The following ITIH3 variants were observed in gnomAD, a reference collection of about 807,000 sequenced individuals.
ITIH3 encodes the protein inter-alpha-trypsin inhibitor heavy chain 3, also known as inter-alpha-trypsin inhibitor heavy chain H3.
A neutral mutation model predicts 96.5 loss-of-function variants in ITIH3; 81 were observed. That is an observed-to-expected ratio of 0.84 (90% CI 0.70 to 1.01). ITIH3 has a LOEUF of 1.01. Among genes scored for constraint, ITIH3 ranks in the 50% least tolerant of loss-of-function variants. The pLI is 0.00. For missense variants in ITIH3, 1,057 were observed against 1,139.3 expected (o/e 0.93, Z 1.04); for synonymous variants, 422 against 445.2 (o/e 0.95, Z 0.66).
At chr3:52,800,877 TGTGCAGGAGTCCG>T in intron 10 of ITIH3, 75 bp from the exon 11 acceptor site, 7 of 1,540,266 alleles carry the variant, frequency 4.5e-6, no homozygotes, top group Non-Finnish European at 6.2e-6. Flanking sequence ...CAACTCTGCA[TGTGCAGGAGTCCG>T]GTCTCCCCAG....
intron 6 of ITIH3, among the ~76,000 whole-genome samples, chr3:52,798,318 C>A (rs751188938): frequency 6.6e-6 from 1 of 152,218 alleles, no homozygotes; most frequent in Admixed American, 6.5e-5. Flanking sequence ...AGGTGGTTGA[C>A]TCCAGTCCCC....
chr3:52,797,246 G>C lies in ITIH3; in HGVS notation c.528G>C (p.Lys176Asn). The change falls in exon 5 of 22, where the codon AAG (lysine) becomes AAC (asparagine). Residue 176 changes from lysine to asparagine, a missense_variant. Lys to Asn is a moderately conservative substitution (Grantham distance 94). Transcript: ENST00000449956. ...KYEMYLKVQP[K>N]QLVKHFEIEV... ...AGATGTACCTCAAGGTCCAGCCTAA[G>C]CAACTGGTCAAACACTTTGAGGTAA... The C allele has an allele frequency of 6.2e-7, 1 of 1,606,386 alleles. No individual in the cohort carries two copies. Among genetic ancestry groups the C allele is most frequent in the Non-Finnish European group, 8.5e-7 (1 of 1,176,906 alleles).
Position 52,807,107 on chromosome 3 carries a change from T to TA in ITIH3, c.2261+4dup, listed in dbSNP as rs1403299441. The TA allele has an allele frequency of 4.4e-6, 7 of 1,582,508 alleles. No homozygotes were observed. In the Admixed American group the frequency reaches 7.2e-5, roughly 16 times the overall value. ...CACAGTCACAGTCACGCAGGATGGG[T>TA]AAGCTCCCCTACAAGGTCTCCAAGG... On this transcript the variant is annotated splice_region_variant and intron_variant, in intron 19 of 21. Coordinates refer to ENST00000449956, the MANE Select transcript of ITIH3 (RefSeq NM_002217.4).
Position 52,799,350 on chromosome 3 carries a change from C to T in ITIH3, c.790-22C>T, listed in dbSNP as rs766176088. 2.3e-5 allele frequency: 35 copies of T among 1,541,730 alleles called. 1 individual carries two copies. The South Asian group carries it at 3.6e-4, about 16-fold the overall frequency. Reference sequence around the variant, plus strand: ...GTGTTGCTAAAAGGACACCGGCCTCCGTCCCTCTCCCCACTTTCCAGATAG... The same window carrying T: ...GTGTTGCTAAAAGGACACCGGCCTCTGTCCCTCTCCCCACTTTCCAGATAG... On this transcript the variant is annotated intron_variant, in intron 7 of 21. Transcript: ENST00000449956.
In ITIH3 at chr3:52,806,364, G is replaced by A; in HGVS notation, c.2014G>A (p.Ala672Thr). 6.2e-7 allele frequency: 1 copy of A among 1,613,980 alleles called. No individual in the cohort carries two copies. Residue 672 changes from alanine to threonine, a missense_variant, in exon 18 of 22, where the codon GCC becomes ACC. By Grantham distance (58) the Ala-to-Thr change is moderately conservative (BLOSUM62 0). Coordinates refer to ENST00000449956, the MANE Select transcript of ITIH3 (RefSeq NM_002217.4). ...TGCCCTCTGCTTCAACATCGATGAA[G>A]CCCCAGGCACAGTGCTGCGCCTTAT... ...DDALCFNIDE[A>T]PGTVLRLIQD...
intron 14 of ITIH3, chr3:52,804,353 C>A: frequency 2.3e-6 from 1 of 436,172 alleles, no homozygotes. Context: ...CTGGAGCAGG[C>A]TATCAGGCAC....
chr3:52,807,145 TGA>T, intron 19 of ITIH3, 40 bp downstream of exon 19: 1 of 1,522,682 alleles, frequency 6.6e-7, no homozygotes, highest in Non-Finnish European at 8.9e-7. Context: ...GACTACAGGG[TGA>T]GAGTCTAAGG....
rs1312955768 is a variant in ITIH3 at position 52,796,735 on chromosome 3, G to T, written c.282-4G>T. The T allele has an allele frequency of 1.2e-6, 2 of 1,610,366 alleles. No homozygotes were observed. The highest frequency in any genetic ancestry group is 1.1e-5 in the South Asian group (1 of 90,176). Reference sequence around the variant, plus strand: ...TCCCTACCCCCAACTCTCTTTCCCTGCAGGACCATCGACGGTGTTACCTAC... The same window carrying T: ...TCCCTACCCCCAACTCTCTTTCCCTTCAGGACCATCGACGGTGTTACCTAC... On this transcript the variant is annotated splice_polypyrimidine_tract_variant and splice_region_variant and intron_variant, in intron 3 of 21. Transcript: ENST00000449956.
intron 8 of ITIH3, 47 bp from the exon 9 acceptor site, chr3:52,799,706 C>CCT: frequency 1.3e-6 from 2 of 1,550,854 alleles, no homozygotes; most frequent in Non-Finnish European, 1.7e-6. Context: ...TGAGAAGGGA[C>CCT]CTCACTCTCT....
At position 52,803,993 on chromosome 3, in the gene ITIH3, C is replaced by T. The variant is rs751510451; in HGVS notation, c.1848C>T (p.Ala616=). ...ACAACGAGGATGAGAGGGCCATTGC[C>T]GACAAGCCTGGGGAAGGTGGGGATA... ...PEDNEDERAI[A]DKPGEDAEAT... is the part of the protein sequence containing the mutation. The change falls in exon 14 of 22, where the codon GCC becomes GCT. Residue 616 remains alanine (A), a synonymous_variant. Coordinates refer to ENST00000449956, the MANE Select transcript of ITIH3 (RefSeq NM_002217.4). 3.7e-6 allele frequency: 6 copies of T among 1,613,022 alleles called. No homozygotes were observed. Among genetic ancestry groups the T allele is most frequent in the Middle Eastern group, 1.6e-4 (1 of 6,082 alleles).
At chr3:52,805,647 GC>G (rs1700009935) in intron 15 of ITIH3, 160 bp from the exon 16 acceptor site, 1 of 1,452,222 alleles carries the variant, frequency 6.9e-7, no homozygotes, top group Non-Finnish European at 9.1e-7. Flanking sequence ...CCCTGGACGT[GC>G]CCGATTTCCA....
chr3:52,808,757 T>C lies in ITIH3; in HGVS notation c.*76T>C. The C allele has an allele frequency of 1.3e-6, 2 of 1,547,576 alleles. No homozygotes were observed. The highest frequency in any genetic ancestry group is 2.7e-5 in the African/African-American group (2 of 73,816). ...TGGAACATGGGCACAGAGAGGGGCCTGTGGGAGGGGCTGGGAAAATAAAGT... is the reference window on the plus strand; with the variant it reads ...TGGAACATGGGCACAGAGAGGGGCCCGTGGGAGGGGCTGGGAAAATAAAGT... On this transcript the variant is annotated 3_prime_UTR_variant, in exon 22 of 22. Coordinates refer to ENST00000449956, the MANE Select transcript of ITIH3 (RefSeq NM_002217.4).
chr3:52,795,012 G>A, intron 1 of ITIH3, 116 bp downstream of exon 1: 1 of 834,424 alleles, frequency 1.2e-6, no homozygotes, highest in South Asian at 1.4e-5. Context: ...GCACTGAGCT[G>A]CTGGGAGTAG....
chr3:52,802,421 A>G lies in ITIH3; in HGVS notation c.1471A>G (p.Thr491Ala). 1.2e-6 allele frequency: 2 copies of G among 1,613,936 alleles called. No homozygotes were observed. Among genetic ancestry groups the G allele is most frequent in the Non-Finnish European group, 1.7e-6 (2 of 1,179,864 alleles). The change falls in exon 12 of 22, where the codon ACT becomes GCT. Residue 491 changes from threonine to alanine, a missense_variant. Physicochemically the swap from Thr to Ala is moderately conservative, Grantham distance 58. Coordinates refer to ENST00000449956, the MANE Select transcript of ITIH3 (RefSeq NM_002217.4). Reference protein sequence around the residue: ...ENAILDLTQNTYQHFYDGSEI... With the variant: ...ENAILDLTQNAYQHFYDGSEI... ...CGCTATCCTGGACCTCACCCAGAAC[A>G]CTTACCAGCACTTCTACGATGGCTC... is the stretch of plus-strand genomic sequence containing the variant.
At chr3:52,804,321 A>C (rs897818750) in intron 14 of ITIH3, 4 of 439,942 alleles carry the variant, frequency 9.1e-6, no homozygotes, top group Non-Finnish European at 1.6e-5. Flanking sequence ...AGACAAGAAG[A>C]AGCACTTCCA....
chr3:52,807,210 C>T (rs2154110584), intron 19 of ITIH3, 105 bp downstream of exon 19: 3 of 986,396 alleles, frequency 3.0e-6, no homozygotes, highest in African/African-American at 3.3e-5. Flanking sequence ...ATGGGGGTCA[C>T]AGGAAAGATC....
At chr3:52,800,376 G>A in intron 9 of ITIH3, 162 bp from the exon 10 acceptor site, 1 of 715,524 alleles carries the variant, frequency 1.4e-6, no homozygotes, top group South Asian at 1.9e-5. Context: ...GTTTGTTCAT[G>A]TGGTGGTTCA....
intron 18 of ITIH3, 68 bp from the exon 19 acceptor site, chr3:52,806,833 C>T (rs961959982): frequency 3.6e-5 from 48 of 1,325,262 alleles, no homozygotes; most frequent in African/African-American, 2.3e-4. Context: ...GAGGAAGGCA[C>T]ACCCCTAAAG....
At chr3:52,795,493 G>T (rs1050282769) in intron 1 of ITIH3, 110 bp from the exon 2 acceptor site, 5 of 1,167,168 alleles carry the variant, frequency 4.3e-6, no homozygotes, top group Non-Finnish European at 6.2e-6. Flanking sequence ...GTGTGTGGGG[G>T]GCAGGGCACC....
Sources: gnomAD v4.1 joint callset for allele counts (sites outside exome capture counted in the v4.1 genomes callset) on GRCh38, gnomAD v4.1.1 for gene constraint, MANE v1.5 for transcripts, NCBI Gene and HGNC (gene_info 2026-07-23, HGNC 2026-07-21) for gene names.